The following REDIC1 variants were observed in gnomAD, a reference collection of about 807,000 sequenced individuals.
REDIC1 encodes HEI10 Interacting Protein 1.
the REDIC1 span, among the ~76,000 whole-genome samples, chr12:39,702,806 G>C: frequency 2.6e-5 from 4 of 152,174 alleles, 1 homozygote; most frequent in South Asian, 8.3e-4. Flanking sequence ...ATGTAATCCA[G>C]CATGTAAACA....
At chr12:39,721,302 C>T in the REDIC1 span, 8 of 1,468,046 alleles carry the variant, frequency 5.4e-6, no homozygotes, top group Admixed American at 2.1e-5. Flanking sequence ...CCTTAGAAAA[C>T]AACAGTAAAT....
chr12:39,869,209 T>C, the REDIC1 span, among the ~76,000 whole-genome samples: 7 of 152,190 alleles, frequency 4.6e-5, no homozygotes, highest in Non-Finnish European at 1.0e-4. Context: ...GAAAAATCAA[T>C]TGTGAGTGAG....
the REDIC1 span, chr12:39,692,076 T>C: frequency 6.3e-7 from 1 of 1,579,784 alleles, no homozygotes; most frequent in Non-Finnish European, 8.6e-7. Context: ...AGGAATATAT[T>C]CTTTAAAAAG....
chr12:39,759,867 A>G, the REDIC1 span: 2 of 581,570 alleles, frequency 3.4e-6, no homozygotes, highest in Non-Finnish European at 3.0e-6. Flanking sequence ...AAAAGTCATC[A>G]TGGTTGTATC....
chr12:39,792,574 G>T, the REDIC1 span, among the ~76,000 whole-genome samples: 6 of 152,190 alleles, frequency 3.9e-5, no homozygotes, highest in Admixed American at 2.6e-4. Context: ...CCTCTGCCAG[G>T]TGTGTATACA....
the REDIC1 span, among the ~76,000 whole-genome samples, chr12:39,654,326 G>A: frequency 6.6e-6 from 1 of 151,638 alleles, no homozygotes; most frequent in Non-Finnish European, 1.5e-5. Flanking sequence ...GGTGGCTCAC[G>A]CCTGTAATCC....
the REDIC1 span, among the ~76,000 whole-genome samples, chr12:39,786,356 G>A: frequency 1.2e-4 from 2 of 16,822 alleles, no homozygotes; most frequent in Non-Finnish European, 2.6e-4. Context: ...CATGTAAGAA[G>A]TGTCTTTCAT....
At chr12:39,655,620 C>T in the REDIC1 span, among the ~76,000 whole-genome samples, 1 of 152,140 alleles carries the variant, frequency 6.6e-6, no homozygotes, top group East Asian at 1.9e-4. Flanking sequence ...TCAAATATTA[C>T]AGTCTCAGGG....
chr12:39,849,744 C>T, the REDIC1 span, among the ~76,000 whole-genome samples: 2 of 150,760 alleles, frequency 1.3e-5, no homozygotes, highest in East Asian at 3.9e-4. Context: ...GATTTCTTAG[C>T]CTTTTCTAGT....
the REDIC1 span, among the ~76,000 whole-genome samples, chr12:39,698,871 G>C: frequency 6.6e-6 from 1 of 152,102 alleles, no homozygotes; most frequent in Non-Finnish European, 1.5e-5. Flanking sequence ...AGCTCTAAAA[G>C]TCTACATCAA....
At chr12:39,684,237 AC>A in the REDIC1 span, 1 of 994,468 alleles carries the variant, frequency 1.0e-6, no homozygotes, top group African/African-American at 1.7e-5. Flanking sequence ...CTGAATAATG[AC>A]CTGCAATTAT....
At chr12:39,863,615 T>C in the REDIC1 span, among the ~76,000 whole-genome samples, 7 of 152,326 alleles carry the variant, frequency 4.6e-5, no homozygotes, top group East Asian at 1.3e-3. Flanking sequence ...TTGAGGCAGA[T>C]GTCCAAATAA....
the REDIC1 span, among the ~76,000 whole-genome samples, chr12:39,895,514 T>TTATA: frequency 7.2e-4 from 41 of 56,638 alleles, 1 homozygote; most frequent in African/African-American, 3.0e-3. Context: ...AAAAAAAAAA[T>TTATA]TATATATATA....
At chr12:39,854,647 T>G in the REDIC1 span, among the ~76,000 whole-genome samples, 1 of 152,200 alleles carries the variant, frequency 6.6e-6, no homozygotes, top group African/African-American at 2.4e-5. Flanking sequence ...GAAAACTCTT[T>G]GTAAAGCTCA....
At chr12:39,882,213 AG>A in the REDIC1 span, among the ~76,000 whole-genome samples, 1 of 152,134 alleles carries the variant, frequency 6.6e-6, no homozygotes, top group Non-Finnish European at 1.5e-5. Context: ...GGTGTGCTAC[AG>A]GATCTCCTGG....
the REDIC1 span, among the ~76,000 whole-genome samples, chr12:39,656,178 C>T: frequency 6.6e-6 from 1 of 152,032 alleles, no homozygotes; most frequent in Non-Finnish European, 1.5e-5. Flanking sequence ...TGGTTTTGAC[C>T]AGCATAATGT....
the REDIC1 span, among the ~76,000 whole-genome samples, chr12:39,633,969 A>C: frequency 6.6e-6 from 1 of 152,194 alleles, no homozygotes; most frequent in East Asian, 1.9e-4. Context: ...TCTGTAAAGA[A>C]AGTCGGCGGT....
At chr12:39,840,918 G>T in the REDIC1 span, among the ~76,000 whole-genome samples, 3 of 152,060 alleles carry the variant, frequency 2.0e-5, no homozygotes, top group African/African-American at 7.2e-5. Context: ...AGAAGATTTG[G>T]TAGTTCCCTT....
the REDIC1 span, among the ~76,000 whole-genome samples, chr12:39,803,975 A>G: frequency 6.6e-6 from 1 of 152,168 alleles, no homozygotes; most frequent in Admixed American, 6.5e-5. Flanking sequence ...CAGGGCTCAA[A>G]GCATCCAAAG....
Sources: allele counts gnomAD v4.1 joint callset (sites outside exome capture counted in the v4.1 genomes callset), GRCh38; gene constraint gnomAD v4.1.1; transcripts MANE v1.5; gene names NCBI Gene and HGNC (gene_info 2026-07-23, HGNC 2026-07-21).